Variants in VWA8 observed in about 807,000 individuals in gnomAD.
VWA8 encodes the protein von Willebrand factor A domain containing 8.
In VWA8, 221 loss-of-function variants were observed where a neutral mutation model predicts 241.5. That is an observed-to-expected ratio of 0.91 (90% CI 0.82 to 1.02). VWA8 has a LOEUF of 1.02. Ranked by LOEUF, VWA8 falls within the 50% of genes least tolerant of loss-of-function variation. The pLI is 0.00. For synonymous variants in VWA8, 852 were observed against 827.1 expected (o/e 1.03, Z -0.52); for missense variants, 2,322 against 2,328.7 (o/e 1.00, Z 0.06).
chr13:41,682,419 A>C (rs1313187999), intron 35 of VWA8, among the ~76,000 whole-genome samples: 5 of 152,242 alleles, frequency 3.3e-5, no homozygotes, highest in Non-Finnish European at 7.3e-5. Flanking sequence ...ATATAGAACT[A>C]TAAAACTTCT....
At chr13:41,598,912 T>C (rs1325212652) in intron 40 of VWA8, among the ~76,000 whole-genome samples, 2 of 152,086 alleles carry the variant, frequency 1.3e-5, no homozygotes, top group Non-Finnish European at 2.9e-5. Context: ...GCATGGTACT[T>C]AGTAAAGTCC....
At chr13:41,603,895 C>T (rs188341462) in intron 40 of VWA8, among the ~76,000 whole-genome samples, 18 of 152,244 alleles carry the variant, frequency 1.2e-4, no homozygotes, top group Non-Finnish European at 1.2e-4. Context: ...TTCCTCATTT[C>T]GTCTCATAGC....
In VWA8 at chr13:41,761,157, G is replaced by A. The variant is rs1477779659; in HGVS notation, c.2397C>T (p.Asn799=). ...GTAGCTGAATATATTCTCGGGGTCT[G>A]TTGAGCAGGTGAAGGAATCTGTCAA... ...KIVDRFLHLL[N]RPREYIQLHR... The change falls in exon 21 of 45, where the codon AAC becomes AAT. Residue 799 remains asparagine (N), a synonymous_variant. Transcript: ENST00000379310. 9.3e-6 allele frequency: 15 copies of A among 1,611,842 alleles called. No individual in the cohort carries two copies. Among genetic ancestry groups the A allele is most frequent in the East Asian group, 2.2e-5 (1 of 44,774 alleles).
chr13:41,914,470 A>G (rs980184012), intron 2 of VWA8, among the ~76,000 whole-genome samples: 3 of 152,142 alleles, frequency 2.0e-5, no homozygotes, highest in Non-Finnish European at 4.4e-5. Flanking sequence ...GCTTAAATCA[A>G]TCTTTATAAT....
At chr13:41,923,155 A>G (rs1475797051) in intron 2 of VWA8, among the ~76,000 whole-genome samples, 1 of 152,196 alleles carries the variant, frequency 6.6e-6, no homozygotes, top group African/African-American at 2.4e-5. Flanking sequence ...TGAAGCTGGA[A>G]ACCATCATTC....
intron 3 of VWA8, 72 bp downstream of exon 3, chr13:41,911,966 T>C: frequency 1.5e-6 from 2 of 1,350,570 alleles, no homozygotes; most frequent in Non-Finnish European, 1.9e-6. Flanking sequence ...TTTTTATAAA[T>C]TCTTAATCTT....
At chr13:41,719,429 G>A in intron 26 of VWA8, 162 bp downstream of exon 26, 1 of 1,453,378 alleles carries the variant, frequency 6.9e-7, no homozygotes, top group African/African-American at 1.4e-5. Context: ...TATAAATAAT[G>A]CTATTTAACT....
At position 41,721,357 on chromosome 13, in the gene VWA8, G is replaced by C. The variant is rs776013854; in HGVS notation, c.2964+13C>G. 2 of 1,613,044 alleles carry C rather than the reference G, an allele frequency of 1.2e-6. No homozygotes were observed. The highest frequency in any genetic ancestry group is 2.2e-5 in the South Asian group (2 of 91,032). On this transcript the variant is annotated intron_variant, in intron 25 of 44. Coordinates refer to ENST00000379310, the MANE Select transcript of VWA8 (RefSeq NM_015058.2). ...AGTGATGGCTCTTAGGTACAGGTGT[G>C]TGCCATACCTACCTGTAAATGTTTG...
intron 39 of VWA8, among the ~76,000 whole-genome samples, chr13:41,606,085 T>C (rs1442974460): frequency 6.6e-6 from 1 of 152,082 alleles, no homozygotes; most frequent in Non-Finnish European, 1.5e-5. Flanking sequence ...AATGATTGCC[T>C]CCTCCAGGAA....
chr13:41,771,073 T>C (rs891486357), intron 20 of VWA8, among the ~76,000 whole-genome samples: 1 of 152,210 alleles, frequency 6.6e-6, no homozygotes, highest in African/African-American at 2.4e-5. Context: ...TGTTATGATA[T>C]GTAGATCAAA....
intron 38 of VWA8, among the ~76,000 whole-genome samples, chr13:41,612,824 G>C (rs1484984312): frequency 6.6e-6 from 1 of 152,072 alleles, no homozygotes; most frequent in African/African-American, 2.4e-5. Flanking sequence ...TTGAATCCTG[G>C]CTCCAACCCA....
intron 21 of VWA8, among the ~76,000 whole-genome samples, chr13:41,757,610 G>C (rs1024582059): frequency 6.6e-6 from 1 of 151,508 alleles, no homozygotes; most frequent in Admixed American, 6.6e-5. Context: ...CTGCCCTTTA[G>C]CAGTCCCCAC....
chr13:41,898,652 C>T (rs960048468), intron 4 of VWA8, among the ~76,000 whole-genome samples: 56 of 152,342 alleles, frequency 3.7e-4, no homozygotes, highest in Middle Eastern at 3.4e-3. Flanking sequence ...CCGGGAGGCT[C>T]GGGCTGCACA....
At position 41,745,538 on chromosome 13, in the gene VWA8, G is replaced by T. The variant is rs151184895; in HGVS notation, c.2427-13383C>A. On this transcript the variant is annotated intron_variant, in intron 21 of 44. Coordinates refer to ENST00000379310, the MANE Select transcript of VWA8 (RefSeq NM_015058.2). ...AAAAATCAAACAACCCTATCAAAAAGTGGGCAAAGGATATGAACAGACACT... is the reference window on the plus strand; with the variant it reads ...AAAAATCAAACAACCCTATCAAAAATTGGGCAAAGGATATGAACAGACACT... Among the ~76,000 whole-genome samples the T allele has an allele frequency of 5.4e-3, 827 of 152,284 alleles. 16 individuals carry two copies. Among genetic ancestry groups the T allele is most frequent in the African/African-American group, 0.018 (752 of 41,550 alleles).
At chr13:41,632,912 C>T (rs1422961244) in intron 37 of VWA8, among the ~76,000 whole-genome samples, 1 of 152,072 alleles carries the variant, frequency 6.6e-6, no homozygotes, top group Non-Finnish European at 1.5e-5. Flanking sequence ...AAGGAAAGGC[C>T]ACAGAGAAAT....
In VWA8 at chr13:41,701,465, A is replaced by G; in HGVS notation, c.3291T>C (p.Phe1097=). 1.2e-6 allele frequency: 2 copies of G among 1,612,422 alleles called. No homozygotes were observed. Among genetic ancestry groups the G allele is most frequent in the Non-Finnish European group, 1.7e-6 (2 of 1,179,236 alleles). The change falls in exon 28 of 45, where the codon TTT becomes TTC. Residue 1097 remains phenylalanine, a synonymous_variant. Transcript: ENST00000379310. ...IERHEERSLN[F]TEECASWRIP... ...TTCTCCATGAGGCACATTCTTCAGT[A>G]AAGTTTAGGGATCTTTCTTCATGTC...
At chr13:41,810,388 CA>C (rs1166884611) in intron 17 of VWA8, among the ~76,000 whole-genome samples, 20 of 151,990 alleles carry the variant, frequency 1.3e-4, no homozygotes, top group Admixed American at 1.3e-3. Context: ...TGTTCATCAA[CA>C]GACAAATGGA....
intron 26 of VWA8, 64 bp from the exon 27 acceptor site, chr13:41,703,475 A>G: frequency 7.1e-7 from 1 of 1,407,900 alleles, no homozygotes; most frequent in Non-Finnish European, 1.0e-6. Flanking sequence ...AAAAAATAAC[A>G]CGGCATCTAT....
intron 37 of VWA8, among the ~76,000 whole-genome samples, chr13:41,622,334 G>A (rs12716680): frequency 6.6e-6 from 1 of 152,102 alleles, no homozygotes; most frequent in Non-Finnish European, 1.5e-5. Flanking sequence ...TAGACAGCCA[G>A]TAGCCATTCA....
Sources: allele counts gnomAD v4.1 joint callset (sites outside exome capture counted in the v4.1 genomes callset), GRCh38; gene constraint gnomAD v4.1.1; transcripts MANE v1.5; gene names NCBI Gene and HGNC (gene_info 2026-07-23, HGNC 2026-07-21).